Variants in CACNA1C observed in about 807,000 individuals in gnomAD.
The protein encoded by CACNA1C is calcium voltage-gated channel subunit alpha1 C, also known as voltage-dependent L-type calcium channel subunit alpha-1C.
A neutral mutation model predicts 229.0 loss-of-function variants in CACNA1C; 30 were observed. The observed-to-expected ratio is 0.13, with a 90% CI of 0.10 to 0.18. The LOEUF is 0.18. CACNA1C is among the 10% of genes least tolerant of loss of function. The pLI is 1.00. For missense variants in CACNA1C, 1,658 were observed against 2,845.0 expected (o/e 0.58, Z 9.49); for synonymous variants, 1,114 against 1,132.5 (o/e 0.98, Z 0.33).
Position 2,401,589 on chromosome 12 carries a change from C to G in CACNA1C, c.478-47387C>G, listed in dbSNP as rs183928048. Among the ~76,000 whole-genome samples the G allele has an allele frequency of 2.6e-4, 40 of 152,268 alleles. No individual in the cohort carries two copies. In the East Asian group the frequency reaches 4.4e-3, roughly 17 times the overall value. On this transcript the variant is annotated intron_variant, in intron 3 of 46. Coordinates refer to ENST00000399655, the MANE Select transcript of CACNA1C (RefSeq NM_000719.7). The stretch of plus-strand genomic sequence containing the variant: ...CATCCATGATGGTCAAGAACAAACC[C>G]GAGAGCCAGACTGGCTGGTGTGATT...
At chr12:2,236,069 A>T (rs546670701) in intron 3 of CACNA1C, among the ~76,000 whole-genome samples, 1 of 152,334 alleles carries the variant, frequency 6.6e-6, no homozygotes, top group South Asian at 2.1e-4. Context: ...TTCAGAGTCC[A>T]CTTGGCTCTA....
intron 3 of CACNA1C, among the ~76,000 whole-genome samples, chr12:2,261,302 A>G (rs1178512584): frequency 6.6e-6 from 1 of 152,226 alleles, no homozygotes; most frequent in Non-Finnish European, 1.5e-5. Flanking sequence ...GTTTCTGAAA[A>G]ATAATTTTTT....
chr12:2,327,402 C>T (rs894748587), intron 3 of CACNA1C, among the ~76,000 whole-genome samples: 3 of 152,222 alleles, frequency 2.0e-5, no homozygotes, highest in African/African-American at 7.2e-5. Flanking sequence ...GATTAGGTTG[C>T]CTATCCTCCC....
At chr12:2,309,603 A>G (rs973056360) in intron 3 of CACNA1C, among the ~76,000 whole-genome samples, 2 of 152,210 alleles carry the variant, frequency 1.3e-5, no homozygotes, top group South Asian at 2.1e-4. Context: ...AATATATACA[A>G]TTTTTTAATT....
At chr12:2,662,371 C>G (rs893593165) in intron 34 of CACNA1C, among the ~76,000 whole-genome samples, 5 of 152,042 alleles carry the variant, frequency 3.3e-5, no homozygotes, top group African/African-American at 1.2e-4. Flanking sequence ...ATTGCTAAAA[C>G]TGATAGGATA....
intron 5 of CACNA1C, among the ~76,000 whole-genome samples, chr12:2,465,030 T>C (rs1206251299): frequency 6.6e-6 from 1 of 152,234 alleles, no homozygotes; most frequent in Non-Finnish European, 1.5e-5. Context: ...TCTCTGTGCC[T>C]TAGTTTCCTC....
Position 2,691,302 on chromosome 12 carries a change from C to T in CACNA1C, c.*103C>T. On this transcript the variant is annotated 3_prime_UTR_variant, in exon 47 of 47. Coordinates refer to ENST00000399655, the MANE Select transcript of CACNA1C (RefSeq NM_000719.7). ...TCTCGTGACCTGGAGTTAACCGGAA[C>T]AGCGTCTTCATTCATTTCTGTTGGG... 2.5e-6 allele frequency: 3 copies of T among 1,189,838 alleles called. No individual in the cohort carries two copies. Among genetic ancestry groups the T allele is most frequent in the South Asian group, 4.2e-5 (2 of 47,110 alleles). The allele number at this position is 1,189,838 out of a possible 1,614,324, so 73.7% of individuals were successfully genotyped here. A position where few individuals can be genotyped will look rare whatever the true frequency, so the allele number is the denominator to read the frequency against.
At chr12:2,156,004 T>C (rs978441664) in intron 3 of CACNA1C, among the ~76,000 whole-genome samples, 2 of 152,140 alleles carry the variant, frequency 1.3e-5, no homozygotes, top group Non-Finnish European at 2.9e-5. Context: ...ATAAAAAAAA[T>C]CTGCAGCTTA....
intron 1 of CACNA1C, among the ~76,000 whole-genome samples, chr12:1,979,109 T>C (rs530591994): frequency 2.0e-4 from 30 of 151,346 alleles, no homozygotes; most frequent in Middle Eastern, 3.5e-3. Context: ...GCCTCCCGCG[T>C]TCAAGAAATT....
At chr12:2,670,729 C>T (rs1000933852) in intron 38 of CACNA1C, among the ~76,000 whole-genome samples, 4 of 151,676 alleles carry the variant, frequency 2.6e-5, no homozygotes, top group African/African-American at 2.4e-5. Flanking sequence ...CGTGGTGGCA[C>T]GTGCCTGTAA....
chr12:2,513,855 C>A (rs1303620146), intron 9 of CACNA1C, among the ~76,000 whole-genome samples: 18 of 152,164 alleles, frequency 1.2e-4, no homozygotes, highest in Admixed American at 1.2e-3. Context: ...TTGACAACTC[C>A]CCCAGGTGAT....
chr12:2,658,056 A>G (rs1327112858), intron 34 of CACNA1C, among the ~76,000 whole-genome samples: 2 of 152,132 alleles, frequency 1.3e-5, no homozygotes, highest in East Asian at 3.8e-4. Context: ...CAGACCAAAT[A>G]GACCAAAATA....
Position 1,974,411 on chromosome 12 carries a change from A to C in CACNA1C, c.139+3210A>C, listed in dbSNP as rs142612284. Among the ~76,000 whole-genome samples the C allele has an allele frequency of 8.9e-3, 1,353 of 152,218 alleles. 23 individuals are homozygous for C. Among genetic ancestry groups the C allele is most frequent in the African/African-American group, 0.031 (1,274 of 41,534 alleles). On this transcript the variant is annotated intron_variant, in intron 1 of 46. Transcript: ENST00000682462. ...TAAGTAGTGTTGATGGGATTCTGTC[A>C]TTAGGATATGAGCTCCCGAAGACTG...
chr12:2,671,413 TC>T (rs2096564368), intron 38 of CACNA1C, among the ~76,000 whole-genome samples: 2 of 152,204 alleles, frequency 1.3e-5, no homozygotes, highest in Admixed American at 1.3e-4. Flanking sequence ...AGTAGAAAGA[TC>T]AGCAGTGACA....
intron 1 of CACNA1C, among the ~76,000 whole-genome samples, chr12:2,065,918 G>A (rs1019506316): frequency 1.3e-5 from 2 of 152,278 alleles, no homozygotes; most frequent in Middle Eastern, 3.4e-3. Context: ...AAGTTGGAAT[G>A]GCAGGAAGGG....
At chr12:2,583,052 C>A in intron 15 of CACNA1C, 110 bp downstream of exon 15, 1 of 751,780 alleles carries the variant, frequency 1.3e-6, no homozygotes. Context: ...GGGCTCACAC[C>A]ACCCAGCCTA....
In CACNA1C at chr12:2,053,059, G is replaced by C. The variant is rs1469881500; in HGVS notation, c.-504G>C. 1.0e-6 allele frequency: 1 copy of C among 982,954 alleles called. No individual in the cohort carries two copies. Among genetic ancestry groups the C allele is most frequent in the Non-Finnish European group, 1.2e-6 (1 of 828,554 alleles). 60.9% of individuals were successfully genotyped at this position (982,954 alleles called of 1,614,324 possible). ...CTCGGCGCGGCGCGGCGGGCCCGGA[G>C]CGGCGGCGGCGGCTCTTCCTGCCTC... On this transcript the variant is annotated 5_prime_UTR_variant, in exon 1 of 47. Coordinates refer to ENST00000399655, the MANE Select transcript of CACNA1C (RefSeq NM_000719.7). This position sits in a 1 kb window ranked among gnomAD's most constrained non-coding sequence, Gnocchi z 5.8.
chr12:2,471,362 G>GA (rs1482444958), intron 5 of CACNA1C, among the ~76,000 whole-genome samples: 1 of 151,960 alleles, frequency 6.6e-6, no homozygotes, highest in East Asian at 1.9e-4. Flanking sequence ...TAAATTATGG[G>GA]AAAAAATAAA....
chr12:2,144,032 G>A (rs934166008), intron 3 of CACNA1C, among the ~76,000 whole-genome samples: 1 of 151,380 alleles, frequency 6.6e-6, no homozygotes, highest in African/African-American at 2.4e-5. Context: ...AGTTGGTCCA[G>A]TCAAACAAAG....
Sources: gnomAD v4.1 joint callset for allele counts (sites outside exome capture counted in the v4.1 genomes callset) on GRCh38, gnomAD v4.1.1 for gene constraint, Gnocchi (gnomAD v3.1) non-coding constraint, MANE v1.5 for transcripts, NCBI Gene and HGNC (gene_info 2026-07-23, HGNC 2026-07-21) for gene names.